The following DACH2 variants were observed in gnomAD, a reference collection of about 807,000 sequenced individuals.
DACH2 encodes the protein dachshund homolog 2.
Under a neutral mutation model 35.8 loss-of-function variants are expected in DACH2, and 17 were observed. The ratio of observed to expected loss-of-function variants is 0.48; its 90% confidence interval spans 0.33 to 0.71. The LOEUF (loss-of-function observed/expected upper bound fraction) is 0.71, where lower values mean the gene tolerates loss of function less well. Ranked by LOEUF, DACH2 falls within the 30% of genes least tolerant of loss-of-function variation. The pLI, the probability that DACH2 is intolerant of heterozygous loss-of-function variation, is 0.02. For missense variants in DACH2, 469 were observed against 472.7 expected, an observed-to-expected ratio of 0.99 and a Z score of 0.07; for synonymous variants, 195 against 177.3, an observed-to-expected ratio of 1.10 and a Z score of -0.79.
At chrX:86,337,010 G>C (rs1053860290) in intron 1 of DACH2, among the ~76,000 whole-genome samples, 1 of 109,068 alleles carries the variant, frequency 9.2e-6, no homozygotes, top group Non-Finnish European at 1.9e-5. Flanking sequence ...AATAAAGTGA[G>C]AAGACAAGAT....
intron 7 of DACH2, among the ~76,000 whole-genome samples, chrX:86,801,267 T>A (rs1210179266): frequency 9.1e-6 from 1 of 109,480 alleles, no homozygotes; most frequent in East Asian, 2.9e-4. Context: ...TTGCCCACGC[T>A]GGAGTGCAGT....
chrX:86,323,599 A>T (rs2035057193), intron 1 of DACH2, among the ~76,000 whole-genome samples: 1 of 112,070 alleles, frequency 8.9e-6, no homozygotes, highest in African/African-American at 3.2e-5. Flanking sequence ...GAAAGCTTGG[A>T]GATCCTATGT....
rs763965330 is a variant in DACH2 at position 86,148,870 on chromosome X, G to C, written c.250G>C (p.Asp84His). 14 of 1,209,436 alleles carry C rather than the reference G, an allele frequency of 1.2e-5. No individual in the cohort carries two copies. The highest frequency in any genetic ancestry group is 1.3e-5 in the Non-Finnish European group (12 of 895,193). The stretch of plus-strand genomic sequence containing the variant: ...GATGAAGGTGGCTTCGTTCCTGATG[G>C]ACGGCCAGGAACTGATCTGCCTGCC... ...HGMKVASFLM[D>H]GQELICLPQV... Residue 84 changes from aspartate to histidine, a missense_variant, in exon 1 of 12, where the codon GAC becomes CAC. Asp to His is a moderately conservative substitution (Grantham distance 81). This residue lies in a region of DACH2 where 99 missense variants were observed against 114.3 expected (regional missense o/e 0.87). Coordinates refer to ENST00000373125, the MANE Select transcript of DACH2 (RefSeq NM_053281.3).
chrX:86,743,395 A>G (rs1411014972), intron 7 of DACH2, among the ~76,000 whole-genome samples: 1 of 111,498 alleles, frequency 9.0e-6, no homozygotes. Context: ...CTGAAAGTAT[A>G]AGAGAAAAGG....
intron 10 of DACH2, 137 bp downstream of exon 10, chrX:86,814,971 G>C: frequency 1.5e-6 from 1 of 686,993 alleles, no homozygotes; most frequent in South Asian, 4.1e-5. Context: ...ATTTTGTCCA[G>C]GAATGATTAA....
At chrX:86,338,108 A>G (rs755176611) in intron 1 of DACH2, among the ~76,000 whole-genome samples, 3 of 111,544 alleles carry the variant, frequency 2.7e-5, no homozygotes, top group East Asian at 2.8e-4. Context: ...CTCCTACACA[A>G]TAACAGACAG....
chrX:86,418,233 T>C (rs764641919), intron 2 of DACH2, among the ~76,000 whole-genome samples: 1 of 111,458 alleles, frequency 9.0e-6, no homozygotes, highest in African/African-American at 3.3e-5. Context: ...TGTCAGTGGA[T>C]CTACCATTCT....
chrX:86,246,913 T>TTTG (rs2033295437), intron 1 of DACH2, among the ~76,000 whole-genome samples: 1 of 111,492 alleles, frequency 9.0e-6, no homozygotes, highest in South Asian at 3.8e-4. Flanking sequence ...GACCCAACTA[T>TTTG]TTGCTGTCTT....
At chrX:86,577,859 A>G (rs1052515049) in intron 3 of DACH2, among the ~76,000 whole-genome samples, 1 of 111,759 alleles carries the variant, frequency 8.9e-6, no homozygotes, top group East Asian at 2.8e-4. Context: ...GAATATGTGG[A>G]GGGTCCTGGA....
At chrX:86,457,417 G>A (rs974827665) in intron 2 of DACH2, among the ~76,000 whole-genome samples, 4 of 111,956 alleles carry the variant, frequency 3.6e-5, no homozygotes, top group Non-Finnish European at 5.6e-5. Context: ...TAGGAGCAAA[G>A]TCACCCACAT....
chrX:86,548,235 G>A (rs1482421654), intron 3 of DACH2, among the ~76,000 whole-genome samples: 1 of 111,471 alleles, frequency 9.0e-6, no homozygotes, highest in African/African-American at 3.3e-5. Context: ...AAATATTTTA[G>A]ATTTCCAATT....
At chrX:86,621,960 G>T (rs918283976) in intron 3 of DACH2, among the ~76,000 whole-genome samples, 1 of 111,448 alleles carries the variant, frequency 9.0e-6, no homozygotes, top group Admixed American at 9.6e-5. Context: ...TTTCTTTCAA[G>T]AACGTTTCAT....
At chrX:86,158,461 A>G (rs1569286084) in intron 1 of DACH2, among the ~76,000 whole-genome samples, 1 of 111,323 alleles carries the variant, frequency 9.0e-6, no homozygotes, top group Non-Finnish European at 1.9e-5. Flanking sequence ...TGGAATTTAA[A>G]TAAAAACTTC....
intron 7 of DACH2, among the ~76,000 whole-genome samples, 197 bp from the exon 8 acceptor site, chrX:86,812,658 AG>A (rs978025233): frequency 8.9e-6 from 1 of 111,937 alleles, no homozygotes; most frequent in Non-Finnish European, 1.9e-5. Context: ...GCATTGTTTC[AG>A]TTTCACAAGT....
intron 2 of DACH2, chrX:86,481,010 C>A (rs1227867479): frequency 8.9e-6 from 1 of 112,036 alleles, no homozygotes; most frequent in Non-Finnish European, 1.9e-5. Context: ...GCCAAATTTT[C>A]ACGTTAGTTT....
Position 86,337,450 on chromosome X carries a change from A to C in DACH2, c.489-39374A>C, listed in dbSNP as rs899356939. Among the ~76,000 whole-genome samples, 3 of 112,060 alleles carry C rather than the reference A, an allele frequency of 2.7e-5. No individual in the cohort carries two copies. In the Admixed American group the frequency reaches 2.8e-4, roughly 11 times the overall value. On this transcript the variant is annotated intron_variant, in intron 1 of 11. Coordinates refer to ENST00000373125, the MANE Select transcript of DACH2 (RefSeq NM_053281.3). ...ACATTCTTAGAGAAAATAATTTTCA[A>C]CCCAGAATTTCATATCCACCCAAAC...
chrX:86,467,714 G>A (rs1320771795), intron 2 of DACH2, among the ~76,000 whole-genome samples: 3 of 111,610 alleles, frequency 2.7e-5, no homozygotes, highest in Non-Finnish European at 5.6e-5. Context: ...AATTTATAAA[G>A]GAAAGCGGTT....
At chrX:86,161,090 T>C (rs1335639786) in intron 1 of DACH2, 1 of 1,082,954 alleles carries the variant, frequency 9.2e-7, no homozygotes, top group African/African-American at 1.8e-5. Flanking sequence ...GCACAAATGC[T>C]ACTGTGTTGG....
At chrX:86,406,731 G>C (rs1250550831) in intron 2 of DACH2, among the ~76,000 whole-genome samples, 1 of 112,067 alleles carries the variant, frequency 8.9e-6, no homozygotes, top group Non-Finnish European at 1.9e-5. Context: ...TGGAAAAAAT[G>C]TATTCCACAG....
Sources: gnomAD v4.1 joint callset for allele counts (sites outside exome capture counted in the v4.1 genomes callset) on GRCh38, gnomAD v4.1.1 for gene constraint, gnomAD v4.1.1 regional missense constraint, MANE v1.5 for transcripts, NCBI Gene and HGNC (gene_info 2026-07-23, HGNC 2026-07-21) for gene names.